TSHZ2: variants seen among roughly 807,000 people sequenced by gnomAD.
TSHZ2 encodes teashirt homolog 2.
A neutral mutation model predicts 74.4 loss-of-function variants in TSHZ2; 21 were observed. That is an observed-to-expected ratio of 0.28 (90% CI 0.20 to 0.41). The LOEUF (loss-of-function observed/expected upper bound fraction) is 0.41, where lower values mean the gene tolerates loss of function less well. Ranked by LOEUF, TSHZ2 falls within the 10% of genes least tolerant of loss-of-function variation. The pLI, the probability that TSHZ2 is intolerant of heterozygous loss-of-function variation, is 1.00. For missense variants in TSHZ2, 1,244 were observed against 1,293.5 expected, an observed-to-expected ratio of 0.96 and a Z score of 0.59; for synonymous variants, 540 against 515.3, an observed-to-expected ratio of 1.05 and a Z score of -0.65.
intron 2 of TSHZ2, among the ~76,000 whole-genome samples, chr20:53,284,142 G>A (rs949306783): frequency 6.6e-6 from 1 of 152,150 alleles, no homozygotes; most frequent in Non-Finnish European, 1.5e-5. Flanking sequence ...CTCGAACAAC[G>A]TGAAATGTGT....
chr20:52,977,971 C>A (rs1383145299), intron 1 of TSHZ2, among the ~76,000 whole-genome samples: 1 of 152,142 alleles, frequency 6.6e-6, no homozygotes, highest in African/African-American at 2.4e-5. Flanking sequence ...TTCTTTATCT[C>A]CCAGTTGCCC....
At chr20:53,143,358 GCCAACT>G (rs1987456067) in intron 1 of TSHZ2, among the ~76,000 whole-genome samples, 1 of 152,144 alleles carries the variant, frequency 6.6e-6, no homozygotes, top group African/African-American at 2.4e-5. Flanking sequence ...TTTCTGTTGG[GCCAACT>G]CCCCATGCCC....
At chr20:52,997,267 G>A (rs576827186) in intron 1 of TSHZ2, among the ~76,000 whole-genome samples, 1 of 150,802 alleles carries the variant, frequency 6.6e-6, no homozygotes. Flanking sequence ...CCCGGGGGGG[G>A]GTTCAGCACT....
intron 2 of TSHZ2, among the ~76,000 whole-genome samples, chr20:53,418,518 C>G (rs1484687356): frequency 6.6e-6 from 1 of 152,174 alleles, no homozygotes; most frequent in Non-Finnish European, 1.5e-5. Context: ...CACATGGCGA[C>G]AGACGAGAAG....
intron 2 of TSHZ2, among the ~76,000 whole-genome samples, chr20:53,314,239 G>A (rs1484867261): frequency 6.7e-6 from 1 of 148,824 alleles, no homozygotes; most frequent in Non-Finnish European, 1.5e-5. Flanking sequence ...AGTGAGCCAA[G>A]ATCACACCAC....
chr20:53,269,719 G>A (rs1990793260), intron 2 of TSHZ2, among the ~76,000 whole-genome samples: 1 of 151,974 alleles, frequency 6.6e-6, no homozygotes, highest in Admixed American at 6.6e-5. Flanking sequence ...AGTGGGTGCA[G>A]CGCACCAGCA....
chr20:53,338,359 C>T lies in TSHZ2; in HGVS notation c.*8+81788C>T, dbSNP rs559452469. Among the ~76,000 whole-genome samples, 345 of 152,296 alleles carry T rather than the reference C, an allele frequency of 2.3e-3. 7 individuals carry two copies. The South Asian group carries it at 0.026, about 11-fold the overall frequency. On this transcript the variant is annotated intron_variant, in intron 2 of 2. Transcript: ENST00000371497. The stretch of plus-strand genomic sequence containing the variant: ...AAACATCGGTGAAGCCCATTCGCCT[C>T]TCCAAGGAGGGTCTCCTATGATGAC...
chr20:53,353,654 T>G (rs1980739819), intron 2 of TSHZ2, among the ~76,000 whole-genome samples: 1 of 152,238 alleles, frequency 6.6e-6, no homozygotes, highest in Admixed American at 6.5e-5. Context: ...AACCAAACTT[T>G]TACACATATA....
intron 1 of TSHZ2, among the ~76,000 whole-genome samples, chr20:53,095,483 G>A (rs916219707): frequency 3.3e-5 from 5 of 152,170 alleles, no homozygotes; most frequent in African/African-American, 1.2e-4. Flanking sequence ...CTCTAAATGG[G>A]GATCTCAAAG....
chr20:53,238,836 T>TA (rs746136673), intron 1 of TSHZ2, among the ~76,000 whole-genome samples: 4,752 of 65,946 alleles, frequency 0.072, 344 homozygotes, highest in East Asian at 0.37. Flanking sequence ...ATCTTATATC[T>TA]AAAAAAAAAA....
At chr20:53,483,220 G>GCCCAGGAGTTCAAGACCA (rs6147377) in intron 2 of TSHZ2, among the ~76,000 whole-genome samples, 1 of 151,940 alleles carries the variant, frequency 6.6e-6, no homozygotes, top group Non-Finnish European at 1.5e-5. Context: ...AGAATGGCTT[G>GCCCAGGAGTTCAAGACCA]GCCTGGGCAA....
At chr20:53,281,492 C>T (rs961866833) in intron 2 of TSHZ2, among the ~76,000 whole-genome samples, 1 of 152,132 alleles carries the variant, frequency 6.6e-6, no homozygotes, top group African/African-American at 2.4e-5. Context: ...CAAAAGCAGC[C>T]ATAGGTGATA....
chr20:53,019,323 C>T (rs569387525), intron 1 of TSHZ2, among the ~76,000 whole-genome samples: 1 of 151,860 alleles, frequency 6.6e-6, no homozygotes, highest in South Asian at 2.1e-4. Flanking sequence ...GAATTAGAGC[C>T]TTCTTTAAGA....
chr20:53,008,559 T>TC (rs201795421), intron 1 of TSHZ2, among the ~76,000 whole-genome samples: 1,104 of 57,644 alleles, frequency 0.019, 14 homozygotes, highest in Non-Finnish European at 0.042. Flanking sequence ...ATAATCACCT[T>TC]TTTTTTTTTT....
chr20:53,114,077 G>A (rs572246097), intron 1 of TSHZ2, among the ~76,000 whole-genome samples: 60 of 147,868 alleles, frequency 4.1e-4, no homozygotes, highest in African/African-American at 1.3e-3. Context: ...CTGGGTAATG[G>A]AGCAAGACCC....
chr20:53,149,396 T>C (rs1987621801), intron 1 of TSHZ2, among the ~76,000 whole-genome samples: 1 of 152,074 alleles, frequency 6.6e-6, no homozygotes, highest in Non-Finnish European at 1.5e-5. Context: ...CTGTGTGTAA[T>C]GTGATTGCAC....
At chr20:53,001,228 G>GTGTGTGTGTGTGTGTGTGTGTA (rs1982419196) in intron 1 of TSHZ2, among the ~76,000 whole-genome samples, 2 of 143,384 alleles carry the variant, frequency 1.4e-5, no homozygotes, top group Non-Finnish European at 1.5e-5. Context: ...GTGTGTGTGT[G>GTGTGTGTGTGTGTGTGTGTGTA]TGTGTGTGTG....
chr20:53,252,824 C>T (rs1229636407), intron 1 of TSHZ2, among the ~76,000 whole-genome samples: 2 of 152,090 alleles, frequency 1.3e-5, no homozygotes, highest in Non-Finnish European at 2.9e-5. Flanking sequence ...GCACCATTTG[C>T]GATTATTTTC....
At chr20:53,041,441 C>T (rs77551847) in intron 1 of TSHZ2, among the ~76,000 whole-genome samples, 9,126 of 152,208 alleles carry the variant, frequency 0.06, 316 homozygotes, top group Middle Eastern at 0.068. Flanking sequence ...TTGCTTTGCC[C>T]AGGGAATGCA....
Sources: gnomAD v4.1 joint callset for allele counts (sites outside exome capture counted in the v4.1 genomes callset) on GRCh38, gnomAD v4.1.1 for gene constraint, MANE v1.5 for transcripts, NCBI Gene and HGNC (gene_info 2026-07-23, HGNC 2026-07-21) for gene names.